The following ARHGAP26 variants were observed in gnomAD, a reference collection of about 807,000 sequenced individuals.
The protein encoded by ARHGAP26 is rho GTPase-activating protein 26.
In ARHGAP26, 38 loss-of-function variants were observed where a neutral mutation model predicts 104.8. The observed-to-expected ratio is 0.36, with a 90% confidence interval of 0.28 to 0.48. The LOEUF (loss-of-function observed/expected upper bound fraction) is 0.48, where lower values mean the gene tolerates loss of function less well. Ranked by LOEUF, ARHGAP26 falls within the 20% of genes least tolerant of loss-of-function variation. The probability of loss-of-function intolerance (pLI) is 0.99; values close to 1 mark genes in which losing one functional copy is unlikely to be tolerated. For synonymous variants in ARHGAP26, 341 were observed against 340.0 expected, an observed-to-expected ratio of 1.00 and a Z score of -0.03; for missense variants, 704 against 947.9, an observed-to-expected ratio of 0.74 and a Z score of 3.38.
chr5:143,084,041 T>C (rs1323329174), intron 17 of ARHGAP26, among the ~76,000 whole-genome samples: 3 of 152,220 alleles, frequency 2.0e-5, no homozygotes, highest in Non-Finnish European at 4.4e-5. Context: ...GTCCACGTCA[T>C]TGACTTTTAT....
intron 15 of ARHGAP26, among the ~76,000 whole-genome samples, chr5:143,054,748 C>T (rs1028424739): frequency 2.6e-5 from 4 of 152,188 alleles, no homozygotes; most frequent in Admixed American, 2.6e-4. Flanking sequence ...ATTTAGGAAA[C>T]TTTGTTCTAT....
At position 142,907,822 on chromosome 5, in the gene ARHGAP26, AT is replaced by A. The variant is rs1761310228; in HGVS notation, c.933+21del. On this transcript the variant is annotated intron_variant, in intron 9 of 22. Coordinates refer to ENST00000645722, the MANE Select transcript of ARHGAP26 (RefSeq NM_001135608.3). The stretch of plus-strand genomic sequence containing the variant: ...GAAAAGGGGTGAGTTCATTTTTAAA[AT>A]TTGATGTTTGATTTGCTTGGCTAAC... 6.4e-7 allele frequency: 1 copy of A among 1,572,906 alleles called. No individual in the cohort carries two copies. The highest frequency in any genetic ancestry group is 1.7e-5 in the Admixed American group (1 of 59,768).
intron 20 of ARHGAP26, among the ~76,000 whole-genome samples, chr5:143,157,494 G>A (rs1169840660): frequency 6.6e-6 from 1 of 152,074 alleles, no homozygotes; most frequent in South Asian, 2.1e-4. Context: ...ACAAATTATT[G>A]ACTAGAGAAC....
chr5:143,171,568 A>G (rs1802773273), intron 20 of ARHGAP26, among the ~76,000 whole-genome samples: 1 of 152,152 alleles, frequency 6.6e-6, no homozygotes, highest in Non-Finnish European at 1.5e-5. Flanking sequence ...CAAGTTTCAA[A>G]CTTTTATCAA....
chr5:143,107,097 C>T (rs1794130445), intron 17 of ARHGAP26, among the ~76,000 whole-genome samples: 1 of 152,150 alleles, frequency 6.6e-6, no homozygotes, highest in Admixed American at 6.5e-5. Flanking sequence ...TTGTCAGTCT[C>T]GTTCACTTCT....
chr5:142,918,372 C>T (rs1339626287), intron 10 of ARHGAP26, among the ~76,000 whole-genome samples: 1 of 152,194 alleles, frequency 6.6e-6, no homozygotes, highest in Non-Finnish European at 1.5e-5. Flanking sequence ...GTATCAATCT[C>T]CTGACCTCAG....
At chr5:142,943,560 A>G (rs770789845) in intron 11 of ARHGAP26, among the ~76,000 whole-genome samples, 32 of 152,312 alleles carry the variant, frequency 2.1e-4, no homozygotes, top group Non-Finnish European at 4.4e-4. Context: ...ATAAGGCCCT[A>G]CTTTCTGTTA....
chr5:143,006,368 T>G (rs541872747), intron 11 of ARHGAP26, among the ~76,000 whole-genome samples: 103 of 151,828 alleles, frequency 6.8e-4, no homozygotes, highest in African/African-American at 2.1e-3. Flanking sequence ...TGCTCTCTAT[T>G]TATCCAATCA....
intron 20 of ARHGAP26, chr5:143,166,149 AAC>A: frequency 8.1e-7 from 1 of 1,236,940 alleles, no homozygotes; most frequent in Non-Finnish European, 1.1e-6. Context: ...ATTAAAGAAT[AAC>A]ACACGCCCTT....
At chr5:142,916,894 G>T (rs964133747) in intron 10 of ARHGAP26, among the ~76,000 whole-genome samples, 1 of 152,162 alleles carries the variant, frequency 6.6e-6, no homozygotes, top group African/African-American at 2.4e-5. Context: ...ACAACCCAGG[G>T]GGGTAGGTCC....
chr5:142,777,968 G>A (rs1388019788), intron 1 of ARHGAP26, among the ~76,000 whole-genome samples: 5 of 152,224 alleles, frequency 3.3e-5, no homozygotes, highest in Admixed American at 6.5e-5. Context: ...GAGACCAAGC[G>A]TAGTGGAGCA....
At chr5:142,795,368 A>G (rs952038651) in intron 1 of ARHGAP26, among the ~76,000 whole-genome samples, 11 of 152,310 alleles carry the variant, frequency 7.2e-5, no homozygotes, top group Admixed American at 7.2e-4. Context: ...ACCGCACAGC[A>G]TGCTCTAGGG....
Position 143,215,621 on chromosome 5 carries a change from A to C in ARHGAP26, c.2191+1533A>C, listed in dbSNP as rs116122557. On this transcript the variant is annotated intron_variant, in intron 22 of 22. Transcript: ENST00000645722. ...CCATACCTTTTAGCAGTCATGCCCC[A>C]CTTACCACAACCCATTTCCATCCAG... Among the ~76,000 whole-genome samples, 642 of 152,294 alleles carry C rather than the reference A, an allele frequency of 4.2e-3. 5 individuals are homozygous for C. Among genetic ancestry groups the C allele is most frequent in the African/African-American group, 0.014 (589 of 41,558 alleles).
chr5:142,951,759 T>C (rs1479384930), intron 11 of ARHGAP26, among the ~76,000 whole-genome samples: 2 of 152,220 alleles, frequency 1.3e-5, no homozygotes, highest in Non-Finnish European at 2.9e-5. Context: ...CAGAAAGCTT[T>C]TCTGCACCTT....
At chr5:142,800,787 C>T (rs912030443) in intron 1 of ARHGAP26, among the ~76,000 whole-genome samples, 5 of 152,214 alleles carry the variant, frequency 3.3e-5, no homozygotes, top group African/African-American at 1.2e-4. Flanking sequence ...CTCTTGTGCT[C>T]ACGTGTGATT....
At chr5:143,144,062 C>G (rs1172088375) in intron 19 of ARHGAP26, among the ~76,000 whole-genome samples, 2 of 152,136 alleles carry the variant, frequency 1.3e-5, no homozygotes, top group Admixed American at 1.3e-4. Context: ...GGCATTCTTT[C>G]CTTTTTGACA....
At chr5:142,888,728 A>G in intron 5 of ARHGAP26, among the ~76,000 whole-genome samples, 1 of 152,182 alleles carries the variant, frequency 6.6e-6, no homozygotes. Context: ...TTGAATGGTA[A>G]AAAAGCTCGC....
At position 143,014,215 on chromosome 5, in the gene ARHGAP26, G is replaced by A. The variant is rs985492204; in HGVS notation, c.1144+99G>A. The stretch of plus-strand genomic sequence containing the variant: ...TGAACCACCAGGCGGTGCTGTGGGC[G>A]TGTTGGGTTGGCTCCAGTTCCCGAG... On this transcript the variant is annotated intron_variant, in intron 12 of 22. Coordinates refer to ENST00000645722, the MANE Select transcript of ARHGAP26 (RefSeq NM_001135608.3). The A allele has an allele frequency of 3.7e-5, 51 of 1,397,146 alleles. No individual in the cohort carries two copies. The Admixed American group carries it at 4.6e-4, about 13-fold the overall frequency. 86.5% of individuals were successfully genotyped at this position (1,397,146 alleles called of 1,614,324 possible). A position where few individuals can be genotyped will look rare whatever the true frequency, so the allele number is the denominator to read the frequency against.
chr5:142,797,018 C>A (rs920487517), intron 1 of ARHGAP26, among the ~76,000 whole-genome samples: 8 of 152,170 alleles, frequency 5.3e-5, no homozygotes, highest in Non-Finnish European at 2.9e-5. Context: ...CAATAAGAAT[C>A]CAAAAGTTGT....
Sources: allele counts gnomAD v4.1 joint callset (sites outside exome capture counted in the v4.1 genomes callset), GRCh38; gene constraint gnomAD v4.1.1; transcripts MANE v1.5; gene names NCBI Gene and HGNC (gene_info 2026-07-23, HGNC 2026-07-21).